The following FRMPD4 variants were observed in gnomAD, a reference collection of about 807,000 sequenced individuals.
FRMPD4 encodes FERM and PDZ domain containing 4, also known as FERM and PDZ domain-containing protein 4.
In FRMPD4, 22 loss-of-function variants were observed where a neutral mutation model predicts 94.1. The ratio of observed to expected loss-of-function variants is 0.23; its 90% CI spans 0.17 to 0.33. The LOEUF (loss-of-function observed/expected upper bound fraction) is 0.33. FRMPD4 is among the 10% of genes least tolerant of loss of function. The pLI, the probability that FRMPD4 is intolerant of heterozygous loss-of-function variation, is 1.00. For missense variants in FRMPD4, 1,111 were observed against 1,339.9 expected (o/e 0.83, Z 2.67); for synonymous variants, 631 against 548.6 (o/e 1.15, Z -2.10).
At position 12,179,328 on chromosome X, in the gene FRMPD4, A is replaced by G. The variant is rs770970251; in HGVS notation, c.41+40316A>G. Among the ~76,000 whole-genome samples the G allele has an allele frequency of 8.1e-5, 9 of 111,134 alleles. No homozygotes were observed. In the South Asian group the frequency reaches 3.6e-3, roughly 44 times the overall value. On this transcript the variant is annotated intron_variant, in intron 1 of 16. Transcript: ENST00000675598. ...ACCAGCCCAGGTCTCGGGGTGGGGAAATGGACTTACCCTCTTAATGGGAGG... is the reference window on the plus strand; with the variant it reads ...ACCAGCCCAGGTCTCGGGGTGGGGAGATGGACTTACCCTCTTAATGGGAGG...
intron 3 of FRMPD4, among the ~76,000 whole-genome samples, chrX:12,086,089 A>G (rs7472470): frequency 0.13 from 8,164 of 62,647 alleles, 544 homozygotes; most frequent in African/African-American, 0.31. Flanking sequence ...GTGTGTGTGT[A>G]TGTGTGTGTG....
At chrX:12,704,548 G>A in intron 11 of FRMPD4, 63 bp downstream of exon 11, 1 of 802,617 alleles carries the variant, frequency 1.2e-6, no homozygotes, top group Non-Finnish European at 1.8e-6. Context: ...TTTTTTAAAT[G>A]TTTAAAATTA....
chrX:12,004,026 C>T (rs2054537863), intron 3 of FRMPD4, among the ~76,000 whole-genome samples: 1 of 111,519 alleles, frequency 9.0e-6, no homozygotes, highest in Non-Finnish European at 1.9e-5. Flanking sequence ...TCTTCTTCCC[C>T]CTGCCTTGAT....
Position 12,721,190 on chromosome X carries a change from C to T in FRMPD4, c.4621C>T (p.Pro1541Ser). Residue 1541 changes from proline (P) to serine (S), a missense_variant, in exon 17 of 17, where the codon CCA (proline) becomes TCA (serine). By Grantham distance (74) the Pro-to-Ser change is moderately conservative. This residue lies in a region of FRMPD4 where 551 missense variants were observed against 591.6 expected (regional missense o/e 0.93). Coordinates refer to ENST00000675598, the MANE Select transcript of FRMPD4 (RefSeq NM_001368397.1). ...TAGACCACAGATGACTCAAGCCATG[C>T]CAGAACCAAGCAGCCCATGCCTGGC... Reference protein sequence around the residue: ...LYRPQMTQAMPEPSSPCLAVA... With the variant: ...LYRPQMTQAMSEPSSPCLAVA... The T allele has an allele frequency of 1.3e-6, 1 of 755,410 alleles. No homozygotes were observed. The highest frequency in any genetic ancestry group is 3.9e-4 in the Middle Eastern group (1 of 2,568). The allele number at this position is 755,410 out of a possible 1,213,427, so 62.3% of individuals were successfully genotyped here. A position where few individuals can be genotyped will look rare whatever the true frequency, so the allele number is the denominator to read the frequency against.
chrX:12,611,916 G>A (rs1348010135), intron 3 of FRMPD4, among the ~76,000 whole-genome samples: 20 of 108,019 alleles, frequency 1.9e-4, no homozygotes, highest in Non-Finnish European at 3.4e-4. Context: ...TAGTATAGAG[G>A]AGAAAGTAAA....
At chrX:12,532,269 A>G (rs1056061474) in intron 2 of FRMPD4, among the ~76,000 whole-genome samples, 7 of 111,895 alleles carry the variant, frequency 6.3e-5, no homozygotes, top group African/African-American at 2.3e-4. Context: ...GATGATCTCT[A>G]TGGTCTTTTA....
chrX:12,578,754 GAATAA>G (rs1374360802), intron 2 of FRMPD4, among the ~76,000 whole-genome samples: 1 of 111,619 alleles, frequency 9.0e-6, no homozygotes, highest in African/African-American at 3.3e-5. Flanking sequence ...CATATAGAAA[GAATAA>G]AATTTTTGCC....
chrX:12,521,273 A>G (rs769286594), intron 2 of FRMPD4, among the ~76,000 whole-genome samples: 1 of 111,190 alleles, frequency 9.0e-6, no homozygotes, highest in South Asian at 3.8e-4. Context: ...TTTCTTTATA[A>G]TTTTACCGGG....
chrX:12,407,289 A>G (rs994694662), intron 1 of FRMPD4, among the ~76,000 whole-genome samples: 1 of 112,037 alleles, frequency 8.9e-6, no homozygotes, highest in Admixed American at 9.5e-5. Context: ...GAAAGCGACC[A>G]AATATGACAT....
chrX:12,307,415 A>G (rs1348479204), intron 1 of FRMPD4, among the ~76,000 whole-genome samples: 5 of 112,670 alleles, frequency 4.4e-5, no homozygotes, highest in Non-Finnish European at 7.5e-5. Context: ...GTATAGCACA[A>G]TGAAAAAGAA....
intron 1 of FRMPD4, among the ~76,000 whole-genome samples, chrX:12,296,439 G>A (rs912498728): frequency 2.7e-5 from 3 of 111,542 alleles, no homozygotes; most frequent in African/African-American, 9.8e-5. Flanking sequence ...GAGGAGTGAA[G>A]GTAGCTGTGT....
intron 1 of FRMPD4, among the ~76,000 whole-genome samples, chrX:12,444,171 A>G (rs1350985876): frequency 1.8e-5 from 2 of 110,315 alleles, no homozygotes; most frequent in African/African-American, 6.6e-5. Context: ...CATGAAGCAG[A>G]GAAAGAAAAA....
intron 1 of FRMPD4, among the ~76,000 whole-genome samples, chrX:12,356,204 C>T: frequency 8.9e-6 from 1 of 112,107 alleles, no homozygotes; most frequent in South Asian, 3.7e-4. Context: ...CAAATCTCTC[C>T]TACAAAAGCC....
At chrX:12,064,652 T>C (rs967871519) in intron 3 of FRMPD4, among the ~76,000 whole-genome samples, 3 of 111,719 alleles carry the variant, frequency 2.7e-5, no homozygotes, top group African/African-American at 9.8e-5. Flanking sequence ...AAAAGTGAGG[T>C]ACACTGAGGG....
chrX:12,284,800 C>T (rs754320803), intron 1 of FRMPD4, among the ~76,000 whole-genome samples: 145 of 111,936 alleles, frequency 1.3e-3, no homozygotes, highest in Middle Eastern at 4.6e-3. Context: ...AAATGCAACT[C>T]AGGGAAGGAC....
chrX:12,528,925 CT>C (rs1293628394), intron 2 of FRMPD4, among the ~76,000 whole-genome samples: 1 of 112,467 alleles, frequency 8.9e-6, no homozygotes, highest in Non-Finnish European at 1.9e-5. Context: ...CCTTGAGTCA[CT>C]TATTTATCAA....
intron 3 of FRMPD4, among the ~76,000 whole-genome samples, chrX:12,003,689 G>A (rs1256349315): frequency 1.8e-5 from 2 of 112,348 alleles, no homozygotes; most frequent in Non-Finnish European, 3.8e-5. Context: ...ACAGGCATGA[G>A]CCACCGCTCC....
chrX:12,192,897 A>G (rs1431413285), intron 1 of FRMPD4, among the ~76,000 whole-genome samples: 1 of 111,941 alleles, frequency 8.9e-6, no homozygotes, highest in African/African-American at 3.2e-5. Flanking sequence ...GACAACAGGA[A>G]GAATTAGTGG....
intron 2 of FRMPD4, among the ~76,000 whole-genome samples, chrX:12,506,436 A>G (rs372622830): frequency 9.0e-6 from 1 of 110,636 alleles, no homozygotes; most frequent in East Asian, 2.8e-4. Flanking sequence ...TTACAGGTGC[A>G]CGCCACCACA....
Sources: gnomAD v4.1 joint callset for allele counts (sites outside exome capture counted in the v4.1 genomes callset) on GRCh38, gnomAD v4.1.1 for gene constraint, gnomAD v4.1.1 regional missense constraint, MANE v1.5 for transcripts, NCBI Gene and HGNC (gene_info 2026-07-23, HGNC 2026-07-21) for gene names.